COL18A1: variants seen among roughly 807,000 people sequenced by gnomAD.
The protein encoded by COL18A1 is collagen alpha-1(XVIII) chain.
A neutral mutation model predicts 168.0 loss-of-function variants in COL18A1; 133 were observed. That is an observed-to-expected ratio of 0.79 (90% CI 0.69 to 0.91). COL18A1 has a LOEUF of 0.91. Ranked by LOEUF, COL18A1 falls within the 40% of genes least tolerant of loss-of-function variation. COL18A1 has a pLI of 0.00. For missense variants in COL18A1, 2,126 were observed against 1,925.4 expected, an observed-to-expected ratio of 1.10 and a Z score of -1.95; for synonymous variants, 949 against 809.0, an observed-to-expected ratio of 1.17 and a Z score of -2.94.
At chr21:45,475,292 G>T (rs1393816814) in intron 4 of COL18A1, among the ~76,000 whole-genome samples, 184 bp from the exon 5 acceptor site, 1 of 152,228 alleles carries the variant, frequency 6.6e-6, no homozygotes, top group Non-Finnish European at 1.5e-5. Context: ...CTCAGATGGT[G>T]CCTGGGCAGG....
At chr21:45,453,114 ATG>A (rs150290361) in intron 2 of COL18A1, among the ~76,000 whole-genome samples, 115 of 149,984 alleles carry the variant, frequency 7.7e-4, no homozygotes, top group Middle Eastern at 3.8e-3. Context: ...AGCATTATGT[ATG>A]TGTGTGGGCT....
chr21:45,493,570 G>T lies in COL18A1; in HGVS notation c.2347G>T (p.Ala783Ser), dbSNP rs767889829. 6.4e-7 allele frequency: 1 copy of T among 1,552,666 alleles called. No individual in the cohort carries two copies. The highest frequency in any genetic ancestry group is 8.7e-7 in the Non-Finnish European group (1 of 1,148,370). Residue 783 changes from alanine (A) to serine (S), a missense_variant, in exon 26 of 42, where the codon GCC (alanine) becomes TCC (serine). Ala to Ser is a moderately conservative substitution (Grantham distance 99). Transcript: ENST00000651438. Reference protein sequence around the residue: ...GGALGPAQKGAKGEPGFRGPP... With the variant: ...GGALGPAQKGSKGEPGFRGPP... ...TGCCCTGGGCCCTGCCCAGAAAGGA[G>T]CCAAGGTGAGGGCCGGGCAGCCTCC...
chr21:45,415,642 C>T (rs551499303), intron 2 of COL18A1, among the ~76,000 whole-genome samples: 7 of 152,144 alleles, frequency 4.6e-5, no homozygotes, highest in Non-Finnish European at 7.4e-5. Flanking sequence ...AAAGTGCAGG[C>T]GGTGCCATTG....
chr21:45,490,714 C>A, intron 20 of COL18A1, 122 bp from the exon 21 acceptor site: 1 of 1,097,792 alleles, frequency 9.1e-7, no homozygotes, highest in Non-Finnish European at 1.4e-6. Context: ...GGCTGCCTCC[C>A]TCCCAGGCCC....
chr21:45,427,994 G>A (rs563186901), intron 2 of COL18A1, among the ~76,000 whole-genome samples: 1 of 152,280 alleles, frequency 6.6e-6, no homozygotes, highest in South Asian at 2.1e-4. Flanking sequence ...GGGAGGACAC[G>A]AGGCCTCCTG....
chr21:45,429,211 C>G (rs2033890250), intron 2 of COL18A1, among the ~76,000 whole-genome samples: 1 of 152,188 alleles, frequency 6.6e-6, no homozygotes, highest in African/African-American at 2.4e-5. Flanking sequence ...GAGACTACAG[C>G]TTTCTTTAAC....
chr21:45,472,345 T>A (rs1031271372), intron 3 of COL18A1, among the ~76,000 whole-genome samples: 1 of 151,744 alleles, frequency 6.6e-6, no homozygotes, highest in African/African-American at 2.4e-5. Context: ...TGCCTCAGCC[T>A]CCCAAGTAGC....
chr21:45,449,192 C>G (rs1459089901), intron 2 of COL18A1, among the ~76,000 whole-genome samples: 2 of 152,214 alleles, frequency 1.3e-5, no homozygotes, highest in East Asian at 1.9e-4. Flanking sequence ...AAGGGTGGGC[C>G]CTGGGGCTGC....
intron 21 of COL18A1, 100 bp downstream of exon 21, chr21:45,490,971 T>A: frequency 8.4e-7 from 1 of 1,195,750 alleles, no homozygotes; most frequent in Non-Finnish European, 1.2e-6. Flanking sequence ...GCTGCCCATG[T>A]GACCTCAGAG....
rs186996297 is a variant in COL18A1, at chr21:45,497,519, G to A, written c.2621-80G>A. The stretch of plus-strand genomic sequence containing the variant: ...CCCCATCCAGGCCCCCAGGCACTAG[G>A]GCATTTCGGGCAGGAGGGGCACCAC... On this transcript the variant is annotated intron_variant, in intron 31 of 41. Transcript: ENST00000651438. 2.9e-4 allele frequency: 439 copies of A among 1,526,686 alleles called. 2 individuals carry two copies. In the African/African-American group the frequency reaches 5.3e-3, roughly 18 times the overall value. 94.6% of individuals were successfully genotyped at this position (1,526,686 alleles called of 1,614,324 possible). A position where few individuals can be genotyped will look rare whatever the true frequency, so the allele number is the denominator to read the frequency against.
Position 45,509,341 on chromosome 21 carries a change from G to T in COL18A1, c.3250-15G>T. On this transcript the variant is annotated splice_polypyrimidine_tract_variant and intron_variant, in intron 38 of 41. Coordinates refer to ENST00000651438, the MANE Select transcript of COL18A1 (RefSeq NM_001379500.1). ...GGGTCCCCCCGCCGACAGGCCCCAC[G>T]TCTCCCACCTGCAGGACAATGAAGT... 1 of 1,543,572 alleles carries T rather than the reference G, an allele frequency of 6.5e-7. No individual in the cohort carries two copies. The highest frequency in any genetic ancestry group is 8.7e-7 in the Non-Finnish European group (1 of 1,146,702).
At chr21:45,460,662 A>G (rs78326018) in intron 2 of COL18A1, among the ~76,000 whole-genome samples, 4,294 of 152,306 alleles carry the variant, frequency 0.028, 214 homozygotes, top group African/African-American at 0.097. Flanking sequence ...TCTCCTTAAA[A>G]TGCTTTGATT....
chr21:45,487,659 C>A, intron 17 of COL18A1, 150 bp downstream of exon 17: 1 of 962,870 alleles, frequency 1.0e-6, no homozygotes. Context: ...CGCTGTGCCC[C>A]GCGGGCCACC....
In COL18A1 at chr21:45,468,502, G is replaced by C; in HGVS notation, c.367G>C (p.Val123Leu). 1 of 1,613,848 alleles carries C rather than the reference G, an allele frequency of 6.2e-7. No individual in the cohort carries two copies. The highest frequency in any genetic ancestry group is 8.5e-7 in the Non-Finnish European group (1 of 1,179,998). Residue 123 changes from valine to leucine, a missense_variant, in exon 3 of 42, where the codon GTG becomes CTG. Coordinates refer to ENST00000651438, the MANE Select transcript of COL18A1 (RefSeq NM_001379500.1). ...DSAQAMVLLG[V>L]KLSGVQDGHQ... ...GGCGCAGGCCATGGTCTTGCTGGGC[G>C]TGAAGCTCTCTGGGGTGCAGGACGG... is the stretch of plus-strand genomic sequence containing the variant.
chr21:45,474,107 C>A, intron 4 of COL18A1, 126 bp downstream of exon 4: 1 of 709,426 alleles, frequency 1.4e-6, no homozygotes, highest in Non-Finnish European at 2.5e-6. Flanking sequence ...GCTGCGATAC[C>A]ATTTCTGTGC....
chr21:45,413,065 C>T (rs2033344991), intron 2 of COL18A1, among the ~76,000 whole-genome samples: 1 of 152,152 alleles, frequency 6.6e-6, no homozygotes. Flanking sequence ...CATCGGCTTC[C>T]TGGGGTGTGT....
intron 2 of COL18A1, among the ~76,000 whole-genome samples, chr21:45,417,213 A>C (rs2033473524): frequency 6.6e-6 from 1 of 151,948 alleles, no homozygotes; most frequent in African/African-American, 2.4e-5. Flanking sequence ...TCACTGCCAG[A>C]CCCTGCTGGT....
At chr21:45,436,337 C>T (rs1295890477) in intron 2 of COL18A1, among the ~76,000 whole-genome samples, 2 of 152,220 alleles carry the variant, frequency 1.3e-5, no homozygotes, top group African/African-American at 2.4e-5. Context: ...CGGGGCCCAT[C>T]CAGCGTGTGC....
chr21:45,415,016 C>T (rs1235777307), intron 2 of COL18A1, among the ~76,000 whole-genome samples: 1 of 152,134 alleles, frequency 6.6e-6, no homozygotes, highest in Non-Finnish European at 1.5e-5. Flanking sequence ...CCTGGAGCCT[C>T]CAGAGGACCC....
Sources: gnomAD v4.1 joint callset for allele counts (sites outside exome capture counted in the v4.1 genomes callset) on GRCh38, gnomAD v4.1.1 for gene constraint, MANE v1.5 for transcripts, NCBI Gene and HGNC (gene_info 2026-07-23, HGNC 2026-07-21) for gene names.